Variants in AK9 observed in about 807,000 individuals in gnomAD.
AK9 encodes adenylate kinase domain containing 1.
A neutral mutation model predicts 239.6 loss-of-function variants in AK9; 191 were observed. That is an observed-to-expected ratio of 0.80 (90% CI 0.71 to 0.90). The LOEUF is 0.90. Among genes scored for constraint, AK9 ranks in the 40% least tolerant of loss-of-function variants. The pLI, the probability that AK9 is intolerant of heterozygous loss-of-function variation, is 0.00. For synonymous variants in AK9, 689 were observed against 721.0 expected, an observed-to-expected ratio of 0.96 and a Z score of 0.71; for missense variants, 1,995 against 2,214.7, an observed-to-expected ratio of 0.90 and a Z score of 1.99.
intron 22 of AK9, 130 bp from the exon 23 acceptor site, chr6:109,564,410 T>C: frequency 3.2e-6 from 2 of 633,246 alleles, no homozygotes; most frequent in South Asian, 5.0e-5. Context: ...AGCAACAATA[T>C]ACATTCATAA....
chr6:109,581,404 T>A (rs1357270616), intron 19 of AK9, among the ~76,000 whole-genome samples: 1 of 152,304 alleles, frequency 6.6e-6, no homozygotes, highest in East Asian at 1.9e-4. Context: ...TCAAGGAAAT[T>A]AAATGTGCTA....
intron 20 of AK9, among the ~76,000 whole-genome samples, chr6:109,573,987 A>T (rs1787752298): frequency 6.6e-6 from 1 of 152,180 alleles, no homozygotes; most frequent in Admixed American, 6.6e-5. Flanking sequence ...GTCCAAATTG[A>T]TATATACTGT....
chr6:109,646,422 C>G (rs986818215), intron 8 of AK9, among the ~76,000 whole-genome samples: 1 of 152,072 alleles, frequency 6.6e-6, no homozygotes, highest in Admixed American at 6.6e-5. Flanking sequence ...AGCTGAAAAC[C>G]ATGGCATGAG....
intron 38 of AK9, among the ~76,000 whole-genome samples, chr6:109,497,014 C>T (rs1041034951): frequency 4.6e-5 from 7 of 152,150 alleles, no homozygotes; most frequent in Non-Finnish European, 7.4e-5. Context: ...CACCTCCAGC[C>T]TCGCCTTCAC....
At chr6:109,572,201 G>GTGGAAAGGCA in intron 21 of AK9, among the ~76,000 whole-genome samples, 1 of 152,288 alleles carries the variant, frequency 6.6e-6, no homozygotes, top group South Asian at 2.1e-4. Context: ...ACCTGCATCT[G>GTGGAAAGGCA]TGGAAAGGCA....
chr6:109,553,805 T>C (rs1050100862), intron 24 of AK9, among the ~76,000 whole-genome samples: 2 of 152,200 alleles, frequency 1.3e-5, no homozygotes, highest in Non-Finnish European at 2.9e-5. Context: ...CGCTTCCAGC[T>C]CTTGCCCATT....
chr6:109,654,678 G>A (rs1045687554), intron 8 of AK9, among the ~76,000 whole-genome samples: 1 of 152,182 alleles, frequency 6.6e-6, no homozygotes, highest in Non-Finnish European at 1.5e-5. Flanking sequence ...AATCTTAAGA[G>A]TGAACTACTA....
chr6:109,595,756 A>G (rs983965892), intron 17 of AK9, among the ~76,000 whole-genome samples: 1 of 152,178 alleles, frequency 6.6e-6, no homozygotes, highest in African/African-American at 2.4e-5. Context: ...CAGGAACAGA[A>G]AACCAAACAC....
intron 20 of AK9, among the ~76,000 whole-genome samples, chr6:109,578,937 T>A (rs1199229908): frequency 6.6e-6 from 1 of 152,238 alleles, no homozygotes; most frequent in East Asian, 1.9e-4. Flanking sequence ...AGACCTGTTT[T>A]GTGGCCTATT....
intron 21 of AK9, among the ~76,000 whole-genome samples, chr6:109,571,667 C>G (rs1051657587): frequency 6.6e-6 from 1 of 152,116 alleles, no homozygotes; most frequent in Admixed American, 6.6e-5. Context: ...TTGAAACACA[C>G]CGTTCAACAT....
At chr6:109,502,098 T>G (rs1449245077) in intron 35 of AK9, among the ~76,000 whole-genome samples, 1 of 152,198 alleles carries the variant, frequency 6.6e-6, no homozygotes, top group Non-Finnish European at 1.5e-5. Flanking sequence ...GTGGTATTCT[T>G]GATCCCTGCC....
intron 27 of AK9, among the ~76,000 whole-genome samples, chr6:109,534,910 C>T (rs1163011278): frequency 6.6e-6 from 1 of 152,116 alleles, no homozygotes; most frequent in Non-Finnish European, 1.5e-5. Flanking sequence ...CCAGCTTCAT[C>T]CATGTCCCTA....
intron 27 of AK9, among the ~76,000 whole-genome samples, chr6:109,541,210 A>G (rs1172289678): frequency 5.9e-5 from 9 of 152,234 alleles, no homozygotes; most frequent in Admixed American, 5.2e-4. Flanking sequence ...AGTAAGTCAC[A>G]CTATAGAAAA....
At chr6:109,542,852 A>G (rs1295824863) in intron 26 of AK9, among the ~76,000 whole-genome samples, 1 of 152,204 alleles carries the variant, frequency 6.6e-6, no homozygotes, top group African/African-American at 2.4e-5. Context: ...ATAGTAAATA[A>G]TATTTACTAC....
chr6:109,613,682 T>C (rs1162676323), intron 15 of AK9, among the ~76,000 whole-genome samples: 1 of 151,434 alleles, frequency 6.6e-6, no homozygotes, highest in African/African-American at 2.4e-5. Context: ...AAACAGTCTA[T>C]ATTATAGCTA....
intron 12 of AK9, among the ~76,000 whole-genome samples, chr6:109,630,306 C>T (rs1224690590): frequency 6.6e-6 from 1 of 151,978 alleles, no homozygotes; most frequent in Non-Finnish European, 1.5e-5. Context: ...TGTTTATGGA[C>T]CAGAAGAGTC....
intron 12 of AK9, among the ~76,000 whole-genome samples, chr6:109,627,120 T>C (rs886117123): frequency 2.0e-5 from 3 of 151,138 alleles, no homozygotes; most frequent in Non-Finnish European, 4.4e-5. Context: ...TTTTCTATTT[T>C]TCGATGTTTA....
At chr6:109,660,785 G>A (rs151299987) in intron 6 of AK9, among the ~76,000 whole-genome samples, 10 of 152,240 alleles carry the variant, frequency 6.6e-5, no homozygotes, top group African/African-American at 2.2e-4. Context: ...AACACTAATA[G>A]CTGGGCTCCA....
At chr6:109,518,866 G>A (rs1426465237) in intron 29 of AK9, among the ~76,000 whole-genome samples, 1 of 151,666 alleles carries the variant, frequency 6.6e-6, no homozygotes, top group African/African-American at 2.4e-5. Flanking sequence ...TTGTTACAAG[G>A]GTATATTGCA....
Sources: gnomAD v4.1 joint callset for allele counts (sites outside exome capture counted in the v4.1 genomes callset) on GRCh38, gnomAD v4.1.1 for gene constraint, MANE v1.5 for transcripts, NCBI Gene and HGNC (gene_info 2026-07-23, HGNC 2026-07-21) for gene names.